Variants in CNTNAP5 observed in about 807,000 individuals in gnomAD.
CNTNAP5 encodes contactin associated protein family member 5.
A neutral mutation model predicts 150.2 loss-of-function variants in CNTNAP5; 72 were observed. The ratio of observed to expected loss-of-function variants is 0.48; its 90% CI spans 0.40 to 0.58. The LOEUF is 0.58. Among genes scored for constraint, CNTNAP5 ranks in the 20% least tolerant of loss-of-function variants. CNTNAP5 has a pLI of 0.00. For synonymous variants in CNTNAP5, 672 were observed against 619.8 expected (o/e 1.08, Z -1.25); for missense variants, 1,636 against 1,626.2 (o/e 1.01, Z -0.10).
chr2:124,437,781 G>A (rs2104797738), intron 5 of CNTNAP5, among the ~76,000 whole-genome samples: 1 of 152,212 alleles, frequency 6.6e-6, no homozygotes, highest in Middle Eastern at 3.4e-3. Flanking sequence ...TACAGGAGAG[G>A]TGAGAGAGAC....
rs796859888 is a variant in CNTNAP5 at position 124,713,249 on chromosome 2, C to A, written c.2078-33980C>A. Among the ~76,000 whole-genome samples, 13 of 71,334 alleles carry A rather than the reference C, an allele frequency of 1.8e-4. 1 individual carries two copies. Among genetic ancestry groups the A allele is most frequent in the Admixed American group, 4.1e-4 (3 of 7,238 alleles). 46.8% of individuals were successfully genotyped at this position (71,334 alleles called of 152,430 possible). ...TTTCTTTCTTTCTTTCTTTCTCTTTCTTTCTTTCTTTCTTTCTTTCTTTCT... is the reference window on the plus strand; with the variant it reads ...TTTCTTTCTTTCTTTCTTTCTCTTTATTTCTTTCTTTCTTTCTTTCTTTCT... On this transcript the variant is annotated intron_variant, in intron 13 of 23. Coordinates refer to ENST00000682447, the MANE Select transcript of CNTNAP5 (RefSeq NM_001367498.1).
At chr2:124,339,785 G>C (rs1483989166) in intron 3 of CNTNAP5, among the ~76,000 whole-genome samples, 2 of 152,018 alleles carry the variant, frequency 1.3e-5, no homozygotes, top group Non-Finnish European at 2.9e-5. Flanking sequence ...TAGACATTTT[G>C]GTGGGCAGGG....
chr2:124,839,270 T>C (rs1281359781), intron 19 of CNTNAP5, among the ~76,000 whole-genome samples: 1 of 152,020 alleles, frequency 6.6e-6, no homozygotes. Context: ...GAGTATATTT[T>C]ATACAGAGTA....
At chr2:124,306,264 C>T (rs1377822646) in intron 3 of CNTNAP5, among the ~76,000 whole-genome samples, 5 of 152,182 alleles carry the variant, frequency 3.3e-5, no homozygotes, top group Non-Finnish European at 7.3e-5. Flanking sequence ...GTCGCTCCCA[C>T]CCTCTCAGTC....
chr2:124,822,251 G>A (rs933478012), intron 19 of CNTNAP5, among the ~76,000 whole-genome samples: 2 of 152,210 alleles, frequency 1.3e-5, no homozygotes, highest in South Asian at 4.2e-4. Context: ...AAGGGGGTTG[G>A]TGTGAGGATG....
At chr2:124,634,704 A>G (rs1677936247) in intron 12 of CNTNAP5, among the ~76,000 whole-genome samples, 1 of 151,904 alleles carries the variant, frequency 6.6e-6, no homozygotes, top group Non-Finnish European at 1.5e-5. Flanking sequence ...GAGTTTCACC[A>G]TGTTGCTCAG....
chr2:124,468,746 T>G (rs545849165), intron 6 of CNTNAP5, among the ~76,000 whole-genome samples: 1 of 152,278 alleles, frequency 6.6e-6, no homozygotes, highest in South Asian at 2.1e-4. Flanking sequence ...CTACCAGCCC[T>G]TAACACATTT....
chr2:124,326,794 T>C (rs1171244542), intron 3 of CNTNAP5, among the ~76,000 whole-genome samples: 2 of 151,596 alleles, frequency 1.3e-5, no homozygotes, highest in East Asian at 2.0e-4. Flanking sequence ...TAAAAATAAA[T>C]AAATAAATAC....
intron 19 of CNTNAP5, among the ~76,000 whole-genome samples, chr2:124,859,532 C>T (rs937473988): frequency 1.3e-5 from 2 of 152,184 alleles, no homozygotes; most frequent in Admixed American, 6.5e-5. Context: ...CTAGAAATAC[C>T]ATTTGACCCA....
At position 124,772,923 on chromosome 2, in the gene CNTNAP5, G is replaced by A; in HGVS notation, c.2658G>A (p.Glu886=). ...HYVRAERNLK[E]TSLQVDNLPR... is the part of the protein sequence containing the mutation. ...TCCGGGCTGAGAGGAACCTCAAGGAGACCTCCCTGCAGGTGGACAACCTTC... is the reference window on the plus strand; with the variant it reads ...TCCGGGCTGAGAGGAACCTCAAGGAAACCTCCCTGCAGGTGGACAACCTTC... Residue 886 remains glutamate (E), a synonymous_variant, in exon 17 of 24, where the codon GAG becomes GAA. Coordinates refer to ENST00000682447, the MANE Select transcript of CNTNAP5 (RefSeq NM_001367498.1). 6.2e-7 allele frequency: 1 copy of A among 1,613,568 alleles called. No individual in the cohort carries two copies. The highest frequency in any genetic ancestry group is 8.5e-7 in the Non-Finnish European group (1 of 1,179,688).
intron 17 of CNTNAP5, among the ~76,000 whole-genome samples, chr2:124,773,769 G>T (rs1379579209): frequency 6.6e-6 from 1 of 152,104 alleles, no homozygotes; most frequent in Admixed American, 6.6e-5. Flanking sequence ...CCTCTGGTGT[G>T]TGTGTGTGTG....
intron 3 of CNTNAP5, among the ~76,000 whole-genome samples, chr2:124,312,074 C>G (rs1237213664): frequency 6.6e-6 from 1 of 152,154 alleles, no homozygotes; most frequent in Non-Finnish European, 1.5e-5. Flanking sequence ...AAACTCCAGA[C>G]AACTCAAAGG....
chr2:124,757,675 T>C (rs766724683), intron 14 of CNTNAP5, among the ~76,000 whole-genome samples: 2 of 152,164 alleles, frequency 1.3e-5, no homozygotes, highest in Admixed American at 1.3e-4. Context: ...TTCCTAGCGT[T>C]ATTCTCAGGA....
At position 124,434,495 on chromosome 2, in the gene CNTNAP5, G is replaced by A; in HGVS notation, c.541G>A (p.Ala181Thr). The A allele has an allele frequency of 1.2e-6, 2 of 1,613,668 alleles. No homozygotes were observed. Among genetic ancestry groups the A allele is most frequent in the East Asian group, 2.2e-5 (1 of 44,862 alleles). ...TTCTTTGTTCCCAGAATCAGATGTT[G>A]CTGACTTTGATGGCCGAAGCTCACT... ...VYGCSYKSDVADFDGRSSLLY... is the reference protein window; with the variant it reads ...VYGCSYKSDVTDFDGRSSLLY... The change falls in exon 5 of 24, where the codon GCT (alanine) becomes ACT (threonine). Residue 181 changes from alanine (A) to threonine (T), a missense_variant. By Grantham distance (58) the Ala-to-Thr change is moderately conservative. Coordinates refer to ENST00000682447, the MANE Select transcript of CNTNAP5 (RefSeq NM_001367498.1).
chr2:124,871,449 A>G (rs913720271), intron 21 of CNTNAP5, among the ~76,000 whole-genome samples: 2 of 152,072 alleles, frequency 1.3e-5, no homozygotes, highest in Non-Finnish European at 2.9e-5. Flanking sequence ...CCAGGTATAC[A>G]TGTCTCTCCC....
chr2:124,720,040 C>T (rs1353529116), intron 13 of CNTNAP5, among the ~76,000 whole-genome samples: 2 of 152,114 alleles, frequency 1.3e-5, no homozygotes, highest in African/African-American at 4.8e-5. Context: ...GAATTAGGGA[C>T]AGCCAAGCCA....
intron 12 of CNTNAP5, among the ~76,000 whole-genome samples, chr2:124,619,899 T>C (rs1677574940): frequency 8.5e-6 from 1 of 117,678 alleles, no homozygotes; most frequent in Admixed American, 9.1e-5. Flanking sequence ...CTTCTCTCAC[T>C]GTCTCATTCA....
chr2:124,899,232 G>T (rs1464677570), intron 21 of CNTNAP5, among the ~76,000 whole-genome samples: 14 of 151,408 alleles, frequency 9.2e-5, no homozygotes, highest in Non-Finnish European at 1.9e-4. Flanking sequence ...TTATATTATT[G>T]TATTTATTTC....
At chr2:124,790,489 A>C (rs1681701861) in intron 18 of CNTNAP5, among the ~76,000 whole-genome samples, 1 of 152,248 alleles carries the variant, frequency 6.6e-6, no homozygotes, top group African/African-American at 2.4e-5. Context: ...ATGTAATCAA[A>C]GAATTGTAGA....
Sources: gnomAD v4.1 joint callset for allele counts (sites outside exome capture counted in the v4.1 genomes callset) on GRCh38, gnomAD v4.1.1 for gene constraint, MANE v1.5 for transcripts, NCBI Gene and HGNC (gene_info 2026-07-23, HGNC 2026-07-21) for gene names.